MCF2: variants seen among roughly 807,000 people sequenced by gnomAD.
The protein encoded by MCF2 is MCF.2 cell line derived transforming sequence.
MCF2 carries 44 observed loss-of-function variants against 82.5 expected under a neutral mutation model. That is an observed-to-expected ratio of 0.53 (90% confidence interval 0.42 to 0.69). MCF2 has a LOEUF of 0.69. Among genes scored for constraint, MCF2 ranks in the 30% least tolerant of loss-of-function variants. The pLI is 0.00. For missense variants in MCF2, 623 were observed against 663.1 expected (o/e 0.94, Z 0.66); for synonymous variants, 217 against 224.9 (o/e 0.96, Z 0.32).
intron 1 of MCF2, among the ~76,000 whole-genome samples, chrX:139,657,862 C>T (rs1934240505): frequency 8.9e-6 from 1 of 111,734 alleles, no homozygotes; most frequent in South Asian, 3.8e-4. Flanking sequence ...TGAAGAAGCA[C>T]TTTGTTCTAA....
chrX:139,625,270 G>A (rs1370261833), intron 6 of MCF2, among the ~76,000 whole-genome samples: 1 of 111,578 alleles, frequency 9.0e-6, no homozygotes, highest in Non-Finnish European at 1.9e-5. Context: ...TAAGCATAAT[G>A]GGTATGTTCA....
At chrX:139,617,203 A>G (rs1008354761) in intron 8 of MCF2, among the ~76,000 whole-genome samples, 36 of 111,727 alleles carry the variant, frequency 3.2e-4, no homozygotes, top group African/African-American at 1.1e-3. Context: ...AAGGCTTCAG[A>G]GATGTATCGA....
chrX:139,695,320 G>A (rs1037766702), intron 1 of MCF2, among the ~76,000 whole-genome samples: 6 of 111,835 alleles, frequency 5.4e-5, no homozygotes, highest in Admixed American at 9.5e-5. Context: ...GTGAGCCATC[G>A]CGCCCAGCCT....
At chrX:139,655,665 C>T (rs1003634239) in intron 1 of MCF2, among the ~76,000 whole-genome samples, 1 of 111,057 alleles carries the variant, frequency 9.0e-6, no homozygotes, top group Non-Finnish European at 1.9e-5. Flanking sequence ...TGTTATCCCT[C>T]CCCACTCCCC....
chrX:139,634,650 A>G (rs1933099437), intron 1 of MCF2, among the ~76,000 whole-genome samples: 1 of 112,225 alleles, frequency 8.9e-6, no homozygotes, highest in Non-Finnish European at 1.9e-5. Flanking sequence ...TGTCCAACTC[A>G]TAATTCCCCC....
intron 1 of MCF2, among the ~76,000 whole-genome samples, chrX:139,657,536 A>C: frequency 8.9e-6 from 1 of 112,481 alleles, no homozygotes; most frequent in East Asian, 2.8e-4. Flanking sequence ...ACAAATATTT[A>C]TTGAGTGTCT....
At chrX:139,652,488 A>AT (rs975076438) in intron 1 of MCF2, among the ~76,000 whole-genome samples, 5 of 111,456 alleles carry the variant, frequency 4.5e-5, no homozygotes, top group African/African-American at 1.3e-4. Flanking sequence ...ATATTAACTC[A>AT]TTTTTTATCA....
intron 1 of MCF2, among the ~76,000 whole-genome samples, chrX:139,637,022 GA>G (rs1448758977): frequency 9.0e-6 from 1 of 111,524 alleles, no homozygotes; most frequent in Non-Finnish European, 1.9e-5. Context: ...AAAAAGCCCA[GA>G]AAAACTTGGG....
chrX:139,587,807 C>G lies in MCF2; in HGVS notation c.2450-19G>C, dbSNP rs1310949517. 9.5e-7 allele frequency: 1 copy of G among 1,050,420 alleles called. No homozygotes were observed. Among genetic ancestry groups the G allele is most frequent in the South Asian group, 1.9e-5 (1 of 51,372 alleles). 86.6% of individuals were successfully genotyped at this position (1,050,420 alleles called of 1,213,427 possible). On this transcript the variant is annotated intron_variant, in intron 21 of 24. Coordinates refer to ENST00000370576, the Ensembl canonical transcript of MCF2. The stretch of plus-strand genomic sequence containing the variant: ...TTTTTAACTGAGAAATAAAACAAAG[C>G]ATATTATCATTCAGAAGTCACACTT...
chrX:139,618,217 C>G (rs773009361), intron 7 of MCF2, among the ~76,000 whole-genome samples: 1 of 110,152 alleles, frequency 9.1e-6, no homozygotes, highest in East Asian at 2.9e-4. Flanking sequence ...CTCACTCCCC[C>G]CAGTGTAGAG....
intron 1 of MCF2, among the ~76,000 whole-genome samples, chrX:139,672,347 C>G (rs1452804455): frequency 1.8e-5 from 2 of 112,570 alleles, no homozygotes; most frequent in Non-Finnish European, 3.8e-5. Flanking sequence ...ACTTCCAACA[C>G]TATCTTGAAT....
exon 25 of MCF2, chrX:139,582,282 C>T (rs1427807516): frequency 2.1e-6 from 1 of 480,245 alleles, no homozygotes; most frequent in Non-Finnish European, 3.7e-6. Context: ...TTTAAAAAGA[C>T]AGCGTACCAT....
chrX:139,626,688 T>A (rs747763392), exon 5 of MCF2: 96 of 1,204,295 alleles, frequency 8.0e-5, no homozygotes, highest in Non-Finnish European at 1.1e-4. Context: ...TGACAGCTCC[T>A]TCAGTGTCAG....
At chrX:139,682,942 T>C (rs1228249718) in intron 1 of MCF2, among the ~76,000 whole-genome samples, 3 of 111,813 alleles carry the variant, frequency 2.7e-5, no homozygotes, top group Non-Finnish European at 5.6e-5. Flanking sequence ...TTTCTCCTTT[T>C]TTTTTGAGTT....
At chrX:139,692,657 C>A (rs1042526669) in intron 1 of MCF2, among the ~76,000 whole-genome samples, 5 of 112,126 alleles carry the variant, frequency 4.5e-5, no homozygotes, top group Non-Finnish European at 7.5e-5. Flanking sequence ...GCAACTCATG[C>A]AAGTCTTGGC....
exon 2 of MCF2, chrX:139,632,365 A>G (rs371501219): frequency 3.3e-6 from 4 of 1,198,906 alleles, no homozygotes; most frequent in Non-Finnish European, 4.5e-6. Flanking sequence ...CCTCCTGACT[A>G]AACCAAAATC....
At chrX:139,626,488 G>A in intron 5 of MCF2, 135 bp downstream of exon 8, 1 of 713,278 alleles carries the variant, frequency 1.4e-6, no homozygotes, top group Middle Eastern at 3.9e-4. Flanking sequence ...ATCTCTGTAG[G>A]ACAACCTAGA....
chrX:139,608,034 A>G (rs779089854), intron 11 of MCF2, among the ~76,000 whole-genome samples: 3 of 112,035 alleles, frequency 2.7e-5, no homozygotes, highest in African/African-American at 9.7e-5. Flanking sequence ...CATTCTTGGA[A>G]AATAAGGTTG....
At chrX:139,669,949 AC>A (rs1934633489) in intron 1 of MCF2, among the ~76,000 whole-genome samples, 1 of 111,916 alleles carries the variant, frequency 8.9e-6, no homozygotes, top group Admixed American at 9.5e-5. Flanking sequence ...TTAGGGAGTA[AC>A]AAAATGTTCT....
Sources: gnomAD v4.1 joint callset for allele counts (sites outside exome capture counted in the v4.1 genomes callset) on GRCh38, gnomAD v4.1.1 for gene constraint, MANE v1.5 for transcripts, NCBI Gene and HGNC (gene_info 2026-07-23, HGNC 2026-07-21) for gene names.